The following PPM1A variants were observed in gnomAD, a reference collection of about 807,000 sequenced individuals.
The protein encoded by PPM1A is protein phosphatase, Mg2+/Mn2+ dependent 1A.
PPM1A carries 7 observed loss-of-function variants against 35.0 expected under a neutral mutation model. The ratio of observed to expected loss-of-function variants is 0.20; its 90% CI spans 0.11 to 0.38. The LOEUF is 0.38. Ranked by LOEUF, PPM1A falls within the 10% of genes least tolerant of loss-of-function variation. The pLI, the probability that PPM1A is intolerant of heterozygous loss-of-function variation, is 1.00. For synonymous variants in PPM1A, 153 were observed against 167.3 expected (o/e 0.91, Z 0.66); for missense variants, 239 against 467.8 (o/e 0.51, Z 4.51).
chr14:60,250,141 C>T (rs929985680), intron 1 of PPM1A, among the ~76,000 whole-genome samples: 91 of 152,170 alleles, frequency 6.0e-4, no homozygotes, highest in Non-Finnish European at 9.4e-4. Context: ...TCCTTTGAAC[C>T]GGGCTTAGCC....
chr14:60,296,997 A>G lies in PPM1A; in HGVS notation c.*4515A>G, dbSNP rs1056554615. 4.7e-6 allele frequency: 1 copy of G among 214,632 alleles called. No individual in the cohort carries two copies. The highest frequency in any genetic ancestry group is 5.8e-5 in the Admixed American group (1 of 17,204). The allele number at this position is 214,632 out of a possible 1,614,324, so 13.3% of individuals were successfully genotyped here. On this transcript the variant is annotated 3_prime_UTR_variant, in exon 6 of 6. Transcript: ENST00000395076. The surrounding 1 kb of genome is among the most constrained non-coding windows in gnomAD (Gnocchi z 4.4). ...TTAGATGGTATTGAAATTACAGTTG[A>G]CAACTTATATTTTTATGAGATGGAG... is the stretch of plus-strand genomic sequence containing the variant.
At chr14:60,266,194 G>T (rs922907215) in intron 1 of PPM1A, among the ~76,000 whole-genome samples, 6 of 151,904 alleles carry the variant, frequency 3.9e-5, no homozygotes, top group African/African-American at 1.5e-4. Context: ...TTATTTAATT[G>T]CCTGTTCACA....
chr14:60,257,610 T>C (rs527613198), intron 1 of PPM1A, among the ~76,000 whole-genome samples: 1 of 152,334 alleles, frequency 6.6e-6, no homozygotes, highest in East Asian at 1.9e-4. Flanking sequence ...TCAAGAATTG[T>C]CTATTGTACT....
chr14:60,255,842 T>A (rs1883063513), intron 1 of PPM1A, among the ~76,000 whole-genome samples: 1 of 152,256 alleles, frequency 6.6e-6, no homozygotes, highest in Non-Finnish European at 1.5e-5. Context: ...AAGCTTCATT[T>A]TAACTTCCTA....
intron 3 of PPM1A, chr14:60,287,138 C>G (rs990826117): frequency 2.1e-6 from 2 of 942,912 alleles, no homozygotes; most frequent in African/African-American, 3.6e-5. Flanking sequence ...AATATTTTTA[C>G]TATGAAATGG....
intron 1 of PPM1A, among the ~76,000 whole-genome samples, chr14:60,275,616 A>T (rs1472208260): frequency 1.3e-5 from 2 of 152,048 alleles, no homozygotes; most frequent in African/African-American, 4.8e-5. Flanking sequence ...CCTCCTGAGT[A>T]GCTAGGACTA....
upstream of PPM1A, chr14:60,245,834 C>T (rs1454573304): frequency 1.3e-6 from 2 of 1,567,070 alleles, no homozygotes; most frequent in South Asian, 1.2e-5. This position sits in a 1 kb window ranked among gnomAD's most constrained non-coding sequence, Gnocchi z 4.2. Context: ...CATTTAGGGG[C>T]ACTGTCTGCT....
chr14:60,271,379 T>A (rs1365259861), intron 1 of PPM1A, among the ~76,000 whole-genome samples: 1 of 152,236 alleles, frequency 6.6e-6, no homozygotes, highest in East Asian at 1.9e-4. Context: ...TTAGGACTGG[T>A]ATCTTTGGGA....
intron 3 of PPM1A, chr14:60,286,120 TTC>T (rs1886978830): frequency 2.0e-6 from 2 of 987,972 alleles, no homozygotes; most frequent in African/African-American, 3.5e-5. Context: ...AATACCATCT[TTC>T]TATGAAAAGC....
intron 1 of PPM1A, among the ~76,000 whole-genome samples, chr14:60,275,605 G>A (rs906922469): frequency 6.6e-6 from 1 of 152,040 alleles, no homozygotes; most frequent in African/African-American, 2.4e-5. Flanking sequence ...TCCTTCCTCA[G>A]CCTCCTGAGT....
At chr14:60,272,497 A>C (rs1402804232) in intron 1 of PPM1A, among the ~76,000 whole-genome samples, 6 of 152,202 alleles carry the variant, frequency 3.9e-5, no homozygotes, top group South Asian at 4.2e-4. Flanking sequence ...ACTTGAGGTC[A>C]GGAGTTTGAG....
intron 4 of PPM1A, among the ~76,000 whole-genome samples, chr14:60,290,184 C>T (rs916601031): frequency 2.6e-5 from 4 of 152,090 alleles, no homozygotes; most frequent in African/African-American, 9.7e-5. Flanking sequence ...AGATAATATA[C>T]TGAAAGAACT....
At chr14:60,251,922 T>G (rs1245529238) in intron 1 of PPM1A, among the ~76,000 whole-genome samples, 1 of 151,368 alleles carries the variant, frequency 6.6e-6, no homozygotes, top group African/African-American at 2.5e-5. Flanking sequence ...CCCTTGGTAG[T>G]CTGATGTGAA....
intron 1 of PPM1A, among the ~76,000 whole-genome samples, chr14:60,275,844 CTTTTTTTTT>C (rs531960264): frequency 7.7e-6 from 1 of 130,460 alleles, no homozygotes; most frequent in African/African-American, 2.8e-5. Context: ...AAAGATTAGC[CTTTTTTTTT>C]TTTTTTTTTT....
rs1394457607 is a variant in PPM1A at position 60,249,635 on chromosome 14, C to T, written c.-63C>T. ...CCCCCTCCCCGGCTGCCGCCGCCGCCGCCTCGGCCGACCAGGGACCTGCCC... is the reference window on the plus strand; with the variant it reads ...CCCCCTCCCCGGCTGCCGCCGCCGCTGCCTCGGCCGACCAGGGACCTGCCC... On this transcript the variant is annotated 5_prime_UTR_variant, in exon 1 of 6. Coordinates refer to ENST00000395076, the MANE Select transcript of PPM1A (RefSeq NM_021003.5). This position sits in a 1 kb window ranked among gnomAD's most constrained non-coding sequence, Gnocchi z 4.5. 4 of 986,766 alleles carry T rather than the reference C, an allele frequency of 4.1e-6. No individual in the cohort carries two copies. Among genetic ancestry groups the T allele is most frequent in the South Asian group, 9.0e-5 (2 of 22,134 alleles). 61.1% of individuals were successfully genotyped at this position (986,766 alleles called of 1,614,324 possible).
At chr14:60,245,846 G>C, upstream of PPM1A, 1 of 1,582,666 alleles carries the variant, frequency 6.3e-7, no homozygotes, top group Non-Finnish European at 8.6e-7. The surrounding 1 kb of genome is among the most constrained non-coding windows in gnomAD (Gnocchi z 4.2). Context: ...CTGTCTGCTC[G>C]CATGTTCTGT....
chr14:60,270,122 T>C (rs1273719428), intron 1 of PPM1A, among the ~76,000 whole-genome samples: 1 of 152,258 alleles, frequency 6.6e-6, no homozygotes, highest in Non-Finnish European at 1.5e-5. Context: ...TGTTTCTTTA[T>C]GCTTACTTGC....
rs532746456 is a variant in PPM1A at position 60,273,259 on chromosome 14, A to G, written c.-20-9425A>G. The stretch of plus-strand genomic sequence containing the variant: ...GGGAACTCAAAGGAGGCTCCTTTGA[A>G]GAATTGATGCTTGAGCTGAGATCTC... On this transcript the variant is annotated intron_variant, in intron 1 of 5. Transcript: ENST00000395076. The surrounding 1 kb of genome is among the most constrained non-coding windows in gnomAD (Gnocchi z 4.3). Among the ~76,000 whole-genome samples the G allele has an allele frequency of 2.0e-5, 3 of 152,338 alleles. No homozygotes were observed. Among genetic ancestry groups the G allele is most frequent in the African/African-American group, 7.2e-5 (3 of 41,572 alleles).
rs1455992936 is a variant in PPM1A at position 60,289,061 on chromosome 14, T to A, written c.953-745T>A. 6.6e-6 allele frequency among the ~76,000 whole-genome samples: 1 copy of A among 152,168 alleles called. No homozygotes were observed. Among genetic ancestry groups the A allele is most frequent in the Non-Finnish European group, 1.5e-5 (1 of 67,976 alleles). On this transcript the variant is annotated intron_variant, in intron 3 of 5. Transcript: ENST00000395076. The surrounding 1 kb of genome is among the most constrained non-coding windows in gnomAD (Gnocchi z 4.1). ...TGCAGATCATATTGCTGTGCCCTTT[T>A]AATAACTGGATATTTTAAAATTATT...
Sources: allele counts gnomAD v4.1 joint callset (sites outside exome capture counted in the v4.1 genomes callset), GRCh38; gene constraint gnomAD v4.1.1; non-coding constraint Gnocchi (gnomAD v3.1); transcripts MANE v1.5; gene names NCBI Gene and HGNC (gene_info 2026-07-23, HGNC 2026-07-21).